The following PALS2 variants were observed in gnomAD, a reference collection of about 807,000 sequenced individuals.
PALS2 encodes the protein protein associated with LIN7 2, MAGUK p55 family member, also known as protein PALS2.
A neutral mutation model predicts 61.6 loss-of-function variants in PALS2; 27 were observed. That is an observed-to-expected ratio of 0.44 (90% CI 0.32 to 0.60). The LOEUF (loss-of-function observed/expected upper bound fraction) is 0.60. PALS2 is among the 20% of genes least tolerant of loss of function. The pLI is 0.05. For missense variants in PALS2, 554 were observed against 639.4 expected (o/e 0.87, Z 1.44); for synonymous variants, 236 against 218.6 (o/e 1.08, Z -0.70).
In PALS2 at chr7:24,600,674, A is replaced by AT. The variant is rs796198270; in HGVS notation, c.-2-22986dup. On this transcript the variant is annotated intron_variant, in intron 1 of 11. Coordinates refer to ENST00000222644, the MANE Select transcript of PALS2 (RefSeq NM_001303037.2). ...AAATATAAAGAATAGCCATTTAACT[A>AT]TTTTTTATAGGTTTTTAAATTATAG... Among the ~76,000 whole-genome samples the AT allele has an allele frequency of 4.0e-4, 61 of 152,224 alleles. 1 individual carries two copies. Among genetic ancestry groups the AT allele is most frequent in the African/African-American group, 1.4e-3 (59 of 41,566 alleles).
intron 9 of PALS2, among the ~76,000 whole-genome samples, chr7:24,670,698 C>G (rs1303867337): frequency 6.6e-6 from 1 of 152,198 alleles, no homozygotes; most frequent in Non-Finnish European, 1.5e-5. Flanking sequence ...CCATTTCCCA[C>G]CAACTTCCTC....
chr7:24,627,734 AAC>A (rs1390832556), intron 2 of PALS2, among the ~76,000 whole-genome samples: 1 of 152,218 alleles, frequency 6.6e-6, no homozygotes, highest in Non-Finnish European at 1.5e-5. Flanking sequence ...AAATACTATA[AAC>A]ACCTCTCTGC....
In PALS2 at chr7:24,679,281, T is replaced by C; in HGVS notation, c.1265T>C (p.Ile422Thr). 6.2e-7 allele frequency: 1 copy of C among 1,614,116 alleles called. No individual in the cohort carries two copies. The highest frequency in any genetic ancestry group is 2.2e-5 in the East Asian group (1 of 44,880). The change falls in exon 10 of 12, where the codon ATT becomes ACT. Residue 422 changes from isoleucine to threonine, a missense_variant. By Grantham distance (89) the Ile-to-Thr change is moderately conservative. Transcript: ENST00000222644. ...CTCTATGGAACCAAAATTGATTCTATTCTTGAGGTTGTCCAAACTGGACGG... is the reference window on the plus strand; with the variant it reads ...CTCTATGGAACCAAAATTGATTCTACTCTTGAGGTTGTCCAAACTGGACGG... The part of the protein sequence containing the change: ...GNLYGTKIDS[I>T]LEVVQTGRTC...
intron 11 of PALS2, among the ~76,000 whole-genome samples, chr7:24,684,808 C>G (rs1788110610): frequency 6.6e-6 from 1 of 152,092 alleles, no homozygotes; most frequent in African/African-American, 2.4e-5. Flanking sequence ...AACATCATTT[C>G]TTAACTTACA....
rs543175243 is a variant in PALS2, at chr7:24,596,804, G to A, written c.-3+23211G>A. ...GGACATAGTAGGAAGCATGGACTGT[G>A]GTGGGGAGAGATTGGGGATTAGTAT... On this transcript the variant is annotated intron_variant, in intron 1 of 11. Transcript: ENST00000222644. This position sits in a 1 kb window ranked among gnomAD's most constrained non-coding sequence, Gnocchi z 4.5. 3.5e-4 allele frequency among the ~76,000 whole-genome samples: 54 copies of A among 152,278 alleles called. No individual in the cohort carries two copies. Among genetic ancestry groups the A allele is most frequent in the African/African-American group, 1.1e-3 (47 of 41,562 alleles).
intron 3 of PALS2, among the ~76,000 whole-genome samples, chr7:24,647,766 C>G (rs1785917987): frequency 6.6e-6 from 1 of 152,036 alleles, no homozygotes; most frequent in African/African-American, 2.4e-5. Flanking sequence ...TTTTTTCAGT[C>G]TTTTTTTAAA....
chr7:24,662,768 G>GAAAAAAAAAAAAAAA (rs59367702), intron 5 of PALS2, among the ~76,000 whole-genome samples: 3 of 102,612 alleles, frequency 2.9e-5, no homozygotes, highest in African/African-American at 6.0e-5. Flanking sequence ...GACTCCATCT[G>GAAAAAAAAAAAAAAA]AAAAAAAAAA....
intron 1 of PALS2, among the ~76,000 whole-genome samples, chr7:24,595,500 A>T (rs1783472715): frequency 8.9e-6 from 1 of 111,914 alleles, no homozygotes; most frequent in South Asian, 2.8e-4. Context: ...ATATATTTTT[A>T]ATATATATAA....
Position 24,650,677 on chromosome 7 carries a change from T to G in PALS2, c.616T>G (p.Leu206Val). The G allele has an allele frequency of 1.2e-6, 2 of 1,606,332 alleles. No individual in the cohort carries two copies. The highest frequency in any genetic ancestry group is 2.2e-5 in the South Asian group (2 of 90,684). ...TAGTGGAAGTGTCACCCTAAAAATC[T>G]TACCAAGTTATAGAGATACCATTAC... ...NISGSVTLKI[L>V]PSYRDTITPQ... The change falls in exon 5 of 12, where the codon TTA (leucine) becomes GTA (valine). Residue 206 changes from leucine to valine, a missense_variant. Coordinates refer to ENST00000222644, the MANE Select transcript of PALS2 (RefSeq NM_001303037.2).
At chr7:24,646,018 C>A (rs985729928) in intron 3 of PALS2, among the ~76,000 whole-genome samples, 4 of 151,938 alleles carry the variant, frequency 2.6e-5, no homozygotes, top group Non-Finnish European at 4.4e-5. Flanking sequence ...ACTTTGTATC[C>A]TTGGCTGAAG....
intron 11 of PALS2, among the ~76,000 whole-genome samples, chr7:24,686,520 G>C (rs182741169): frequency 1.3e-5 from 2 of 152,176 alleles, no homozygotes; most frequent in Admixed American, 1.3e-4. Flanking sequence ...TTAGTTCTCA[G>C]CTTAACTGTA....
intron 1 of PALS2, among the ~76,000 whole-genome samples, chr7:24,601,184 A>G (rs888369148): frequency 6.6e-6 from 1 of 152,046 alleles, no homozygotes; most frequent in Non-Finnish European, 1.5e-5. Context: ...CATATCATAT[A>G]CTCTTCCAAT....
In PALS2 at chr7:24,641,850, C is replaced by G. The variant is rs1315368909; in HGVS notation, c.252C>G (p.Leu84=). The change falls in exon 3 of 12, where the codon CTC becomes CTG. Residue 84 remains leucine (L), a synonymous_variant. Transcript: ENST00000222644. ...ATGTGGCAGAATTGGTTGGTATACT[C>G]AAAGAACCTCACTTCCAGGTAACTT... ...DENVAELVGI[L]KEPHFQSLLE... 1.2e-6 allele frequency: 2 copies of G among 1,612,226 alleles called. No individual in the cohort carries two copies. Among genetic ancestry groups the G allele is most frequent in the African/African-American group, 1.3e-5 (1 of 74,808 alleles).
chr7:24,663,063 T>A (rs1309956806), intron 5 of PALS2, among the ~76,000 whole-genome samples: 1 of 152,152 alleles, frequency 6.6e-6, no homozygotes, highest in Non-Finnish European at 1.5e-5. Context: ...AAATTTAAGA[T>A]GAGCATATAA....
intron 9 of PALS2, among the ~76,000 whole-genome samples, chr7:24,678,361 G>T (rs894653862): frequency 6.6e-6 from 1 of 152,136 alleles, no homozygotes; most frequent in Non-Finnish European, 1.5e-5. Flanking sequence ...AATATGTCAG[G>T]TCAGAGGAGA....
rs143537632 is a variant in PALS2 at position 24,691,389 on chromosome 7, A to ATGTGTGTGTGTGTGTGTGTGTGTGTGTG, written c.*3792_*3793insGTGTGTGTGTGTGTGTGTGTGTGTGTGT. ...ATGTTCGAGTTGCCATATATTATGTATGTGTGTGTGTGTGTGTATATATAT... is the reference window on the plus strand; with the variant it reads ...ATGTTCGAGTTGCCATATATTATGTATGTGTGTGTGTGTGTGTGTGTGTGTGTGTGTGTGTGTGTGTGTGTATATATAT... On this transcript the variant is annotated 3_prime_UTR_variant, in exon 12 of 12. Coordinates refer to ENST00000222644, the MANE Select transcript of PALS2 (RefSeq NM_001303037.2). The ATGTGTGTGTGTGTGTGTGTGTGTGTGTG allele has an allele frequency of 5.7e-5, 5 of 87,710 alleles. No homozygotes were observed. Among genetic ancestry groups the ATGTGTGTGTGTGTGTGTGTGTGTGTGTG allele is most frequent in the Non-Finnish European group, 1.1e-4 (5 of 46,508 alleles). 5.4% of individuals were successfully genotyped at this position (87,710 alleles called of 1,614,324 possible).
chr7:24,652,268 A>G lies in PALS2; in HGVS notation c.651+1556A>G, dbSNP rs115303721. Among the ~76,000 whole-genome samples, 1,245 of 152,330 alleles carry G rather than the reference A, an allele frequency of 8.2e-3. 14 individuals carry two copies. Among genetic ancestry groups the G allele is most frequent in the African/African-American group, 0.028 (1,154 of 41,586 alleles). ...AGAATTCTTCTAGCTCACCATGGCT[A>G]TAAGAGACTTTTACAGGCAAAATAA... On this transcript the variant is annotated intron_variant, in intron 5 of 11. Coordinates refer to ENST00000222644, the MANE Select transcript of PALS2 (RefSeq NM_001303037.2).
chr7:24,640,565 A>C (rs927365958), intron 2 of PALS2, among the ~76,000 whole-genome samples: 43 of 152,184 alleles, frequency 2.8e-4, no homozygotes, highest in Non-Finnish European at 1.3e-4. Context: ...TTATGAATTA[A>C]ATTTTGATAA....
intron 1 of PALS2, among the ~76,000 whole-genome samples, chr7:24,616,349 T>G (rs1248568006): frequency 2.0e-5 from 3 of 152,146 alleles, no homozygotes; most frequent in Admixed American, 6.5e-5. Flanking sequence ...TCAGTAAGGT[T>G]TCAGAATACA....
Sources: gnomAD v4.1 joint callset for allele counts (sites outside exome capture counted in the v4.1 genomes callset) on GRCh38, gnomAD v4.1.1 for gene constraint, Gnocchi (gnomAD v3.1) non-coding constraint, MANE v1.5 for transcripts, NCBI Gene and HGNC (gene_info 2026-07-23, HGNC 2026-07-21) for gene names.